Variants in SHISA9 observed in about 807,000 individuals in gnomAD.
SHISA9 encodes the protein protein shisa-9.
A neutral mutation model predicts 38.0 loss-of-function variants in SHISA9; 13 were observed. The ratio of observed to expected loss-of-function variants is 0.34; its 90% CI spans 0.22 to 0.54. The LOEUF (loss-of-function observed/expected upper bound fraction) is 0.54, where lower values mean the gene tolerates loss of function less well. Ranked by LOEUF, SHISA9 falls within the 20% of genes least tolerant of loss-of-function variation. The pLI is 0.91. For synonymous variants in SHISA9, 275 were observed against 242.0 expected, an observed-to-expected ratio of 1.14 and a Z score of -1.27; for missense variants, 538 against 575.8, an observed-to-expected ratio of 0.93 and a Z score of 0.67.
the SHISA9 span, among the ~76,000 whole-genome samples, chr16:13,425,057 T>C: frequency 6.6e-6 from 1 of 152,202 alleles, no homozygotes; most frequent in Non-Finnish European, 1.5e-5. Context: ...TGCAGCAACA[T>C]AGTTGCAGCT....
chr16:13,268,154 C>T, the SHISA9 span, among the ~76,000 whole-genome samples: 72 of 152,018 alleles, frequency 4.7e-4, no homozygotes, highest in Non-Finnish European at 1.0e-3. Context: ...TTGTGATAGA[C>T]ACTGGGGGTA....
At chr16:13,352,578 T>C in the SHISA9 span, among the ~76,000 whole-genome samples, 2 of 152,040 alleles carry the variant, frequency 1.3e-5, no homozygotes, top group Non-Finnish European at 2.9e-5. Context: ...AAAGTAACAG[T>C]ATTTTCATGC....
At chr16:13,339,165 C>CTTTTTTTT in the SHISA9 span, among the ~76,000 whole-genome samples, 1 of 132,854 alleles carries the variant, frequency 7.5e-6, no homozygotes, top group South Asian at 2.4e-4. Flanking sequence ...CTTATTGTGA[C>CTTTTTTTT]TTTTTTTTTT....
chr16:13,003,772 C>T (rs1272273614), intron 2 of SHISA9, among the ~76,000 whole-genome samples: 5 of 152,060 alleles, frequency 3.3e-5, no homozygotes, highest in African/African-American at 4.8e-5. Context: ...CCAGGAGAAT[C>T]GCTTGAAGCC....
chr16:12,905,199 T>C (rs889613715), intron 1 of SHISA9, among the ~76,000 whole-genome samples: 1 of 152,242 alleles, frequency 6.6e-6, no homozygotes, highest in Non-Finnish European at 1.5e-5. Flanking sequence ...AGACAGGTAC[T>C]ATTTTAATAT....
intron 2 of SHISA9, among the ~76,000 whole-genome samples, chr16:12,960,635 A>C (rs2071897853): frequency 6.6e-6 from 1 of 152,248 alleles, no homozygotes; most frequent in Non-Finnish European, 1.5e-5. Context: ...ACGGAGCTGG[A>C]AGTCATTATC....
At chr16:12,963,382 T>A (rs2071936130) in intron 2 of SHISA9, among the ~76,000 whole-genome samples, 1 of 152,128 alleles carries the variant, frequency 6.6e-6, no homozygotes, top group Non-Finnish European at 1.5e-5. Context: ...GCCTTTGTCT[T>A]CAGGAGCTCC....
chr16:13,085,965 A>G (rs2073706028), intron 2 of SHISA9, among the ~76,000 whole-genome samples: 1 of 152,202 alleles, frequency 6.6e-6, no homozygotes, highest in Admixed American at 6.5e-5. Flanking sequence ...AATTTTTTTA[A>G]AAAAGAATGA....
intron 2 of SHISA9, among the ~76,000 whole-genome samples, chr16:13,013,786 GGC>G (rs1322372639): frequency 6.6e-6 from 1 of 151,916 alleles, no homozygotes; most frequent in African/African-American, 2.4e-5. Flanking sequence ...GGAGTGCAGT[GGC>G]GAGATCTCAG....
chr16:13,327,309 G>T, the SHISA9 span, among the ~76,000 whole-genome samples: 12 of 152,090 alleles, frequency 7.9e-5, no homozygotes, highest in Non-Finnish European at 1.6e-4. Context: ...TTAGTTAGTA[G>T]ATTAGCAAGC....
At chr16:13,193,289 G>C (rs1276107466) in intron 2 of SHISA9, among the ~76,000 whole-genome samples, 1 of 152,152 alleles carries the variant, frequency 6.6e-6, no homozygotes, top group Non-Finnish European at 1.5e-5. Context: ...AAATAGGATG[G>C]TTTAACTTAA....
intron 2 of SHISA9, among the ~76,000 whole-genome samples, chr16:13,011,863 T>C (rs1407940473): frequency 6.6e-6 from 1 of 151,898 alleles, no homozygotes; most frequent in Non-Finnish European, 1.5e-5. Context: ...TCTTGCTCTG[T>C]TGCCCAAGCT....
At chr16:13,357,944 G>A in the SHISA9 span, among the ~76,000 whole-genome samples, 2 of 152,096 alleles carry the variant, frequency 1.3e-5, no homozygotes, top group Non-Finnish European at 2.9e-5. Flanking sequence ...AGTTAAGGTG[G>A]GGCAGGGCAT....
At chr16:13,001,960 C>T (rs535048507) in intron 2 of SHISA9, among the ~76,000 whole-genome samples, 1 of 152,262 alleles carries the variant, frequency 6.6e-6, no homozygotes, top group African/African-American at 2.4e-5. Flanking sequence ...CTGTAAAAAT[C>T]TTTCCACTGT....
chr16:13,123,022 G>C (rs894821387), intron 2 of SHISA9, among the ~76,000 whole-genome samples: 1 of 152,066 alleles, frequency 6.6e-6, no homozygotes, highest in Non-Finnish European at 1.5e-5. Context: ...ACCCCAGCCT[G>C]GGCGACAGAG....
At chr16:13,346,155 T>C in the SHISA9 span, among the ~76,000 whole-genome samples, 6 of 152,230 alleles carry the variant, frequency 3.9e-5, no homozygotes, top group Non-Finnish European at 8.8e-5. Context: ...TATCATTCCA[T>C]GCTCCATGTC....
intron 2 of SHISA9, among the ~76,000 whole-genome samples, chr16:13,004,682 TGGGAGGCCAA>T (rs1450484870): frequency 6.6e-6 from 1 of 151,694 alleles, no homozygotes; most frequent in Non-Finnish European, 1.5e-5. Flanking sequence ...CCTAGCACTT[TGGGAGGCCAA>T]GGTGGGCAGA....
At chr16:13,399,077 A>C in the SHISA9 span, among the ~76,000 whole-genome samples, 1 of 151,906 alleles carries the variant, frequency 6.6e-6, no homozygotes, top group African/African-American at 2.4e-5. Flanking sequence ...AATATCTTGA[A>C]ACCCTGTGTC....
chr16:13,547,095 A>T, the SHISA9 span, among the ~76,000 whole-genome samples: 2 of 152,226 alleles, frequency 1.3e-5, no homozygotes, highest in Non-Finnish European at 2.9e-5. Context: ...TTCTTCATAA[A>T]GCCTATTACT....
Sources: allele counts gnomAD v4.1 joint callset (sites outside exome capture counted in the v4.1 genomes callset), GRCh38; gene constraint gnomAD v4.1.1; transcripts MANE v1.5; gene names NCBI Gene and HGNC (gene_info 2026-07-23, HGNC 2026-07-21).